COL25A1: variants seen among roughly 807,000 people sequenced by gnomAD.
COL25A1 encodes collagen alpha-1(XXV) chain.
COL25A1 carries 103 observed loss-of-function variants against 128.4 expected under a neutral mutation model. That is an observed-to-expected ratio of 0.80 (90% CI 0.68 to 0.94). The LOEUF (loss-of-function observed/expected upper bound fraction) is 0.94, where lower values mean the gene tolerates loss of function less well. Among genes scored for constraint, COL25A1 ranks in the 40% least tolerant of loss-of-function variants. The pLI is 0.00. For synonymous variants in COL25A1, 279 were observed against 277.2 expected, an observed-to-expected ratio of 1.01 and a Z score of -0.06; for missense variants, 745 against 840.0, an observed-to-expected ratio of 0.89 and a Z score of 1.40.
chr4:109,056,405 G>C (rs549778771), intron 3 of COL25A1, among the ~76,000 whole-genome samples: 25 of 152,122 alleles, frequency 1.6e-4, no homozygotes, highest in African/African-American at 6.0e-4. Flanking sequence ...CCTAAAGTCA[G>C]TAATTAGATT....
intron 3 of COL25A1, among the ~76,000 whole-genome samples, chr4:109,178,703 C>T (rs1189880871): frequency 1.3e-5 from 2 of 151,654 alleles, no homozygotes; most frequent in South Asian, 4.2e-4. Flanking sequence ...GGTGTGGTGG[C>T]GGGCGCCTGT....
At chr4:109,242,185 G>A (rs116390917) in intron 3 of COL25A1, among the ~76,000 whole-genome samples, 2,126 of 152,058 alleles carry the variant, frequency 0.014, 21 homozygotes, top group Non-Finnish European at 0.021. Flanking sequence ...TTCTACAAAC[G>A]CTCTAATAGC....
chr4:109,122,227 C>T (rs1048070053), intron 3 of COL25A1, among the ~76,000 whole-genome samples: 1 of 151,982 alleles, frequency 6.6e-6, no homozygotes, highest in Non-Finnish European at 1.5e-5. Flanking sequence ...TGCTCAAACC[C>T]ACAGAATGTC....
chr4:109,155,368 T>C (rs1453811557), intron 3 of COL25A1, among the ~76,000 whole-genome samples: 1 of 152,202 alleles, frequency 6.6e-6, no homozygotes, highest in Non-Finnish European at 1.5e-5. Flanking sequence ...AGTCATAAAT[T>C]ACTTCTTGGG....
At chr4:109,025,090 T>C (rs181943242) in intron 5 of COL25A1, among the ~76,000 whole-genome samples, 13 of 152,354 alleles carry the variant, frequency 8.5e-5, no homozygotes, top group Admixed American at 7.2e-4. Flanking sequence ...TATAAATAAC[T>C]TACACTTTTG....
intron 3 of COL25A1, among the ~76,000 whole-genome samples, chr4:109,117,114 A>G (rs1767663400): frequency 6.6e-6 from 1 of 152,040 alleles, no homozygotes; most frequent in African/African-American, 2.4e-5. Flanking sequence ...ATGACTGAGA[A>G]TTTTCCAAAA....
At chr4:108,849,167 C>T (rs961628283) in intron 26 of COL25A1, among the ~76,000 whole-genome samples, 3 of 152,098 alleles carry the variant, frequency 2.0e-5, no homozygotes, top group Non-Finnish European at 4.4e-5. Context: ...TCCATACAAC[C>T]TCTGTATGAT....
At chr4:109,127,410 G>T (rs568432403) in intron 3 of COL25A1, among the ~76,000 whole-genome samples, 1 of 152,160 alleles carries the variant, frequency 6.6e-6, no homozygotes, top group Non-Finnish European at 1.5e-5. Context: ...ATTGATTTTT[G>T]ATTCATATAT....
chr4:108,889,756 T>C, intron 16 of COL25A1, 23 bp from the exon 17 acceptor site: 1 of 1,609,708 alleles, frequency 6.2e-7, no homozygotes, highest in Non-Finnish European at 8.5e-7. Context: ...CCAGGAGAGA[T>C]TATCTCACAA....
At chr4:109,101,703 AT>A (rs1414260078) in intron 3 of COL25A1, among the ~76,000 whole-genome samples, 1 of 152,088 alleles carries the variant, frequency 6.6e-6, no homozygotes, top group Admixed American at 6.6e-5. Context: ...CCATATGTTT[AT>A]TATCTCTTTC....
intron 5 of COL25A1, among the ~76,000 whole-genome samples, chr4:109,041,436 T>A (rs1759885102): frequency 6.6e-6 from 1 of 152,124 alleles, no homozygotes; most frequent in Admixed American, 6.6e-5. Flanking sequence ...ATAGTTTTAA[T>A]GACTGTTCTT....
At chr4:109,142,831 C>T (rs1488594193) in intron 3 of COL25A1, among the ~76,000 whole-genome samples, 2 of 152,042 alleles carry the variant, frequency 1.3e-5, no homozygotes, top group Non-Finnish European at 2.9e-5. Context: ...CTCCTGAATA[C>T]AGCACACTGA....
intron 3 of COL25A1, among the ~76,000 whole-genome samples, chr4:109,207,382 T>G (rs1777099347): frequency 6.6e-6 from 1 of 152,120 alleles, no homozygotes; most frequent in Non-Finnish European, 1.5e-5. Flanking sequence ...TACAGTGATG[T>G]AAGGTAATAT....
intron 3 of COL25A1, among the ~76,000 whole-genome samples, chr4:109,051,748 C>T (rs1761020413): frequency 6.6e-6 from 1 of 151,600 alleles, no homozygotes; most frequent in Non-Finnish European, 1.5e-5. Context: ...CTACTATATA[C>T]TTATAATGTC....
intron 8 of COL25A1, among the ~76,000 whole-genome samples, chr4:108,959,395 T>C (rs1160275676): frequency 2.0e-5 from 3 of 152,138 alleles, no homozygotes; most frequent in Non-Finnish European, 2.9e-5. Context: ...GCCTCTAATC[T>C]GCTCCTTTGT....
intron 36 of COL25A1, 39 bp from the exon 37 acceptor site, chr4:108,817,474 T>C (rs1256507350): frequency 1.3e-6 from 2 of 1,585,230 alleles, no homozygotes; most frequent in African/African-American, 1.3e-5. Flanking sequence ...TCAGGTTCCA[T>C]AAGAGTGATT....
intron 3 of COL25A1, among the ~76,000 whole-genome samples, chr4:109,112,219 C>A (rs576192675): frequency 6.6e-6 from 1 of 152,180 alleles, no homozygotes; most frequent in Non-Finnish European, 1.5e-5. Flanking sequence ...AGGAGATCTT[C>A]GGGATATTTA....
chr4:108,840,816 C>G (rs941948723), intron 31 of COL25A1, among the ~76,000 whole-genome samples: 1 of 152,204 alleles, frequency 6.6e-6, no homozygotes, highest in African/African-American at 2.4e-5. Flanking sequence ...TGTCTTCTGA[C>G]ATTTATCAAC....
intron 3 of COL25A1, among the ~76,000 whole-genome samples, chr4:109,230,850 T>A (rs898503109): frequency 3.3e-5 from 5 of 151,932 alleles, no homozygotes; most frequent in African/African-American, 1.2e-4. Flanking sequence ...AGGTAAAAAA[T>A]AAATTTAAGG....
Sources: allele counts gnomAD v4.1 joint callset (sites outside exome capture counted in the v4.1 genomes callset), GRCh38; gene constraint gnomAD v4.1.1; transcripts MANE v1.5; gene names NCBI Gene and HGNC (gene_info 2026-07-23, HGNC 2026-07-21).